CDKAL1: variants seen among roughly 807,000 people sequenced by gnomAD.
CDKAL1 encodes CDKAL1 threonylcarbamoyladenosine tRNA methylthiotransferase, also known as threonylcarbamoyladenosine tRNA methylthiotransferase.
In CDKAL1, 32 loss-of-function variants were observed where a neutral mutation model predicts 68.2. The observed-to-expected ratio is 0.47, with a 90% CI of 0.35 to 0.63. CDKAL1 has a LOEUF of 0.63. CDKAL1 is among the 30% of genes least tolerant of loss of function. CDKAL1 has a pLI of 0.00. For synonymous variants in CDKAL1, 234 were observed against 244.3 expected (o/e 0.96, Z 0.39); for missense variants, 606 against 696.7 (o/e 0.87, Z 1.47).
At chr6:21,106,184 TA>T (rs1207630694) in intron 12 of CDKAL1, among the ~76,000 whole-genome samples, 2 of 152,214 alleles carry the variant, frequency 1.3e-5, no homozygotes, top group Non-Finnish European at 2.9e-5. Flanking sequence ...ATGATTATAT[TA>T]AAAAATTGAA....
chr6:20,682,958 T>C (rs1037630762), intron 5 of CDKAL1, among the ~76,000 whole-genome samples: 24 of 150,572 alleles, frequency 1.6e-4, no homozygotes, highest in East Asian at 5.8e-4. Context: ...TTTCTTTTTT[T>C]TTTTTTTTTT....
intron 5 of CDKAL1, among the ~76,000 whole-genome samples, chr6:20,726,788 A>G (rs1055320679): frequency 1.3e-5 from 2 of 152,208 alleles, no homozygotes; most frequent in African/African-American, 4.8e-5. Flanking sequence ...GGGAAAAGCT[A>G]CATATTTATG....
chr6:20,546,590 G>T lies in CDKAL1; in HGVS notation c.173+67G>T, dbSNP rs1763615228. ...TTCTTTTGAGACAGAGTCTTGCTCT[G>T]TCGCCCAGGCTGGAGTGCAGTGGTG... On this transcript the variant is annotated intron_variant, in intron 3 of 15. Transcript: ENST00000274695. 2.8e-6 allele frequency: 4 copies of T among 1,406,050 alleles called. No individual in the cohort carries two copies. In the South Asian group the frequency reaches 5.2e-5, roughly 18 times the overall value. 87.1% of individuals were successfully genotyped at this position (1,406,050 alleles called of 1,614,324 possible).
At chr6:20,760,865 C>T (rs750997048) in intron 7 of CDKAL1, among the ~76,000 whole-genome samples, 16 of 151,832 alleles carry the variant, frequency 1.1e-4, no homozygotes, top group East Asian at 1.9e-4. Context: ...TGTTTAGATA[C>T]GACATCAAAA....
chr6:20,629,949 A>G (rs13220352), intron 4 of CDKAL1, among the ~76,000 whole-genome samples: 136,539 of 152,148 alleles, frequency 0.9, 61,474 homozygotes, highest in African/African-American at 0.97. Context: ...TGCCTCCTGG[A>G]TTCAAGCGAT....
intron 11 of CDKAL1, among the ~76,000 whole-genome samples, chr6:21,043,400 A>G (rs1268153176): frequency 6.6e-6 from 1 of 152,048 alleles, no homozygotes; most frequent in East Asian, 1.9e-4. Flanking sequence ...ATCTACATGA[A>G]CATTTAAGGT....
At chr6:21,152,265 A>G (rs1776446485) in intron 13 of CDKAL1, among the ~76,000 whole-genome samples, 1 of 152,164 alleles carries the variant, frequency 6.6e-6, no homozygotes, top group Non-Finnish European at 1.5e-5. Context: ...GTTCCCCAGT[A>G]GTCTCTGTCT....
chr6:20,552,633 T>G (rs930992516), intron 4 of CDKAL1, among the ~76,000 whole-genome samples: 2 of 151,450 alleles, frequency 1.3e-5, no homozygotes, highest in Non-Finnish European at 2.9e-5. Context: ...TTTTTTTTTT[T>G]TGCTAATGTA....
chr6:20,644,855 A>G (rs1278369729), intron 4 of CDKAL1, among the ~76,000 whole-genome samples: 1 of 152,226 alleles, frequency 6.6e-6, no homozygotes, highest in Non-Finnish European at 1.5e-5. Context: ...TTGCTTAAGC[A>G]CAGGAATTTG....
At chr6:21,225,735 T>C (rs775932812) in intron 15 of CDKAL1, among the ~76,000 whole-genome samples, 76 of 152,334 alleles carry the variant, frequency 5.0e-4, no homozygotes, top group Non-Finnish European at 9.0e-4. Context: ...TTCATTATAG[T>C]GTGTGCCTCT....
intron 10 of CDKAL1, among the ~76,000 whole-genome samples, chr6:20,969,301 T>G (rs1304019227): frequency 2.0e-5 from 3 of 152,078 alleles, no homozygotes; most frequent in Admixed American, 6.6e-5. Context: ...TACAACCAAG[T>G]AAGCTAGAGG....
chr6:20,694,262 C>G (rs1169390602), intron 5 of CDKAL1, among the ~76,000 whole-genome samples: 1 of 152,154 alleles, frequency 6.6e-6, no homozygotes, highest in Non-Finnish European at 1.5e-5. Context: ...GGCTGGATCT[C>G]AAACTCCTGG....
chr6:21,160,583 A>C (rs558232483), intron 13 of CDKAL1, among the ~76,000 whole-genome samples: 4 of 141,974 alleles, frequency 2.8e-5, no homozygotes, highest in African/African-American at 1.0e-4. Flanking sequence ...GGCGTGAGCC[A>C]CCGCACCCAG....
chr6:20,865,525 TAAGAG>T (rs895389077), intron 9 of CDKAL1, among the ~76,000 whole-genome samples: 3 of 152,026 alleles, frequency 2.0e-5, no homozygotes, highest in African/African-American at 7.2e-5. Flanking sequence ...CTTAATATAC[TAAGAG>T]AAAAGTGTTT....
At chr6:20,796,603 A>C (rs1776119252) in intron 8 of CDKAL1, among the ~76,000 whole-genome samples, 1 of 152,238 alleles carries the variant, frequency 6.6e-6, no homozygotes, top group Non-Finnish European at 1.5e-5. Flanking sequence ...AGTAGCAGCA[A>C]TCAAGAGGTG....
At chr6:20,607,557 A>T (rs934183109) in intron 4 of CDKAL1, among the ~76,000 whole-genome samples, 29 of 152,064 alleles carry the variant, frequency 1.9e-4, no homozygotes, top group African/African-American at 7.0e-4. Flanking sequence ...GGCTACCGAT[A>T]TTTACCATTT....
intron 9 of CDKAL1, among the ~76,000 whole-genome samples, chr6:20,896,085 T>TTTC (rs1761667244): frequency 2.3e-5 from 3 of 128,702 alleles, no homozygotes; most frequent in Non-Finnish European, 4.8e-5. Context: ...TTTTCTTTTT[T>TTTC]TTCTTTTCTT....
chr6:20,541,227 G>A (rs1007685527), intron 2 of CDKAL1, among the ~76,000 whole-genome samples: 14 of 152,108 alleles, frequency 9.2e-5, no homozygotes, highest in Non-Finnish European at 2.1e-4. Context: ...TGGCTGAGTT[G>A]GCCAGGGCTC....
intron 4 of CDKAL1, among the ~76,000 whole-genome samples, chr6:20,560,195 A>G (rs1029734883): frequency 6.6e-6 from 1 of 152,220 alleles, no homozygotes; most frequent in Non-Finnish European, 1.5e-5. Context: ...ATGTTCTTCT[A>G]ATGCAATTAT....
Sources: gnomAD v4.1 joint callset for allele counts (sites outside exome capture counted in the v4.1 genomes callset) on GRCh38, gnomAD v4.1.1 for gene constraint, MANE v1.5 for transcripts, NCBI Gene and HGNC (gene_info 2026-07-23, HGNC 2026-07-21) for gene names.